ADAMTS2: variants seen among roughly 807,000 people sequenced by gnomAD.
The protein encoded by ADAMTS2 is ADAM metallopeptidase with thrombospondin type 1 motif 2, also known as A disintegrin and metalloproteinase with thrombospondin motifs 2.
Under a neutral mutation model 123.0 loss-of-function variants are expected in ADAMTS2, and 50 were observed. The observed-to-expected ratio is 0.41, with a 90% CI of 0.32 to 0.51. The LOEUF (loss-of-function observed/expected upper bound fraction) is 0.51, where lower values mean the gene tolerates loss of function less well. Among genes scored for constraint, ADAMTS2 ranks in the 20% least tolerant of loss-of-function variants. ADAMTS2 has a pLI of 0.35. For missense variants in ADAMTS2, 1,494 were observed against 1,705.2 expected (o/e 0.88, Z 2.18); for synonymous variants, 678 against 695.4 (o/e 0.98, Z 0.39).
At chr5:179,136,171 G>A in intron 12 of ADAMTS2, 129 bp from the exon 13 acceptor site, 2 of 1,340,488 alleles carry the variant, frequency 1.5e-6, no homozygotes, top group East Asian at 2.3e-5. Flanking sequence ...GGCAGACAGA[G>A]AGGGAAAGGG....
chr5:179,141,533 C>T (rs969711802), intron 10 of ADAMTS2, among the ~76,000 whole-genome samples: 1 of 152,048 alleles, frequency 6.6e-6, no homozygotes, highest in African/African-American at 2.4e-5. Flanking sequence ...TGGAAATTGT[C>T]CTAAGGTCTA....
At position 179,113,066 on chromosome 5, in the gene ADAMTS2, C is replaced by A. The variant is rs1206762086; in HGVS notation, c.*801G>T. 1 of 152,538 alleles carries A rather than the reference C, an allele frequency of 6.6e-6. No individual in the cohort carries two copies. Among genetic ancestry groups the A allele is most frequent in the Non-Finnish European group, 1.5e-5 (1 of 68,310 alleles). 9.4% of individuals were successfully genotyped at this position (152,538 alleles called of 1,614,324 possible). On this transcript the variant is annotated 3_prime_UTR_variant, in exon 22 of 22. Coordinates refer to ENST00000251582, the MANE Select transcript of ADAMTS2 (RefSeq NM_014244.5). ...TTCAGATGCCGTACAGCATGAGCAC[C>A]AAGAAGGTCAGAAGGCCTTTAGTTC...
At position 179,175,996 on chromosome 5, in the gene ADAMTS2, G is replaced by T. The variant is rs564737271; in HGVS notation, c.975+5076C>A. ...TGCACAGCTCCACAGGAAAGTCTCC[G>T]GGAAATTTCACCCCCAGGAATGCCC... On this transcript the variant is annotated intron_variant, in intron 5 of 21. Coordinates refer to ENST00000251582, the MANE Select transcript of ADAMTS2 (RefSeq NM_014244.5). The surrounding 1 kb of genome is among the most constrained non-coding windows in gnomAD (Gnocchi z 4.1). Among the ~76,000 whole-genome samples the T allele has an allele frequency of 6.6e-6, 1 of 151,968 alleles. No individual in the cohort carries two copies. Among genetic ancestry groups the T allele is most frequent in the Non-Finnish European group, 1.5e-5 (1 of 68,006 alleles).
At position 179,345,231 on chromosome 5, in the gene ADAMTS2, GGCGGCGGCGGCGGCAGGA is replaced by G; in HGVS notation, c.80_97del (p.Leu27_Pro32del). 8.8e-7 allele frequency: 1 copy of G among 1,138,648 alleles called. No individual in the cohort carries two copies. Among genetic ancestry groups the G allele is most frequent in the Non-Finnish European group, 1.1e-6 (1 of 934,566 alleles). The allele number at this position is 1,138,648 out of a possible 1,614,324, so 70.5% of individuals were successfully genotyped here. On this transcript the variant is annotated inframe_deletion, in exon 1 of 22. Transcript: ENST00000251582. The surrounding 1 kb of genome is among the most constrained non-coding windows in gnomAD (Gnocchi z 7.5). ...GGCGGCGAGCCTGGCGTTCGCGGGC[GGCGGCGGCGGCGGCAGGA>G]GCGGCGGCGGCAGCAGCAGCAGCAG... is the stretch of plus-strand genomic sequence containing the variant.
intron 5 of ADAMTS2, among the ~76,000 whole-genome samples, chr5:179,177,712 TC>T (rs1169002655): frequency 2.0e-5 from 3 of 152,112 alleles, no homozygotes; most frequent in Non-Finnish European, 4.4e-5. Context: ...CTGCAAATGT[TC>T]TGACTGTGAT....
In ADAMTS2 at chr5:179,272,749, G is replaced by A. The variant is rs1052602289; in HGVS notation, c.688+162C>T. Among the ~76,000 whole-genome samples, 22 of 152,266 alleles carry A rather than the reference G, an allele frequency of 1.4e-4. No individual in the cohort carries two copies. The South Asian group carries it at 1.9e-3, about 13-fold the overall frequency. On this transcript the variant is annotated intron_variant, in intron 3 of 21. Coordinates refer to ENST00000251582, the MANE Select transcript of ADAMTS2 (RefSeq NM_014244.5). The surrounding 1 kb of genome is among the most constrained non-coding windows in gnomAD (Gnocchi z 5.8). Reference sequence around the variant, plus strand: ...CCCAGCAGCCCTGCTACGCCCTGCCGTCAGCCAGGCAGCTGGCCCATTTCT... The same window carrying A: ...CCCAGCAGCCCTGCTACGCCCTGCCATCAGCCAGGCAGCTGGCCCATTTCT...
intron 3 of ADAMTS2, among the ~76,000 whole-genome samples, chr5:179,238,566 G>A (rs964683696): frequency 6.6e-6 from 1 of 152,150 alleles, no homozygotes; most frequent in Non-Finnish European, 1.5e-5. Flanking sequence ...TGCAAGCAAA[G>A]ACTCGAATGA....
At chr5:179,147,697 T>C (rs1763277093) in intron 10 of ADAMTS2, among the ~76,000 whole-genome samples, 1 of 152,076 alleles carries the variant, frequency 6.6e-6, no homozygotes, top group African/African-American at 2.4e-5. Context: ...TTAACTCTAC[T>C]TGTAAGAGAC....
chr5:179,345,246 A>C lies in ADAMTS2; in HGVS notation c.83T>G (p.Leu28Arg). The C allele has an allele frequency of 8.7e-7, 1 of 1,146,814 alleles. No individual in the cohort carries two copies. The highest frequency in any genetic ancestry group is 1.1e-6 in the Non-Finnish European group (1 of 939,966). 71.0% of individuals were successfully genotyped at this position (1,146,814 alleles called of 1,614,324 possible). A position where few individuals can be genotyped will look rare whatever the true frequency, so the allele number is the denominator to read the frequency against. The change falls in exon 1 of 22, where the codon CTG (leucine) becomes CGG (arginine). Residue 28 changes from leucine (L) to arginine (R), a missense_variant. By Grantham distance (102) the Leu-to-Arg change is moderately radical. This residue lies in a region of ADAMTS2 where 237 missense variants were observed against 233.7 expected (regional missense o/e 1.01). Coordinates refer to ENST00000251582, the MANE Select transcript of ADAMTS2 (RefSeq NM_014244.5). This position sits in a 1 kb window ranked among gnomAD's most constrained non-coding sequence, Gnocchi z 7.5. The stretch of plus-strand genomic sequence containing the variant: ...GTTCGCGGGCGGCGGCGGCGGCGGC[A>C]GGAGCGGCGGCGGCAGCAGCAGCAG... The part of the protein sequence containing the change: ...LLLLLLPPPL[L>R]PPPPPPANAR...
Position 179,332,742 on chromosome 5 carries a change from G to A in ADAMTS2, c.534+11025C>T, listed in dbSNP as rs536801040. ...GGATGGGAGAGGAAGGGAGGGAGGA[G>A]TGCAGAGAGGAAGGGAGGGGAAGGA... On this transcript the variant is annotated intron_variant, in intron 2 of 21. Coordinates refer to ENST00000251582, the MANE Select transcript of ADAMTS2 (RefSeq NM_014244.5). This position sits in a 1 kb window ranked among gnomAD's most constrained non-coding sequence, Gnocchi z 4.2. 3.8e-4 allele frequency among the ~76,000 whole-genome samples: 57 copies of A among 151,880 alleles called. No individual in the cohort carries two copies. Among genetic ancestry groups the A allele is most frequent in the African/African-American group, 1.3e-3 (52 of 41,412 alleles).
At chr5:179,239,422 C>T (rs563081282) in intron 3 of ADAMTS2, among the ~76,000 whole-genome samples, 3 of 152,068 alleles carry the variant, frequency 2.0e-5, no homozygotes, top group South Asian at 2.1e-4. Context: ...GGGTGGAGTG[C>T]GGAGAGGGTG....
Position 179,122,893 on chromosome 5 carries a change from A to G in ADAMTS2, c.2959-120T>C, listed in dbSNP as rs1216635322. On this transcript the variant is annotated intron_variant, in intron 19 of 21. Transcript: ENST00000251582. ...ATGCGCTCAGGAGGAGGTGTGGGAC[A>G]GTGGGGAGAGTGGGGTTTCAGGTTG... The G allele has an allele frequency of 7.6e-6, 11 of 1,448,644 alleles. No homozygotes were observed. In the South Asian group the frequency reaches 1.1e-4, roughly 15 times the overall value. The allele number at this position is 1,448,644 out of a possible 1,614,324, so 89.7% of individuals were successfully genotyped here. A position where few individuals can be genotyped will look rare whatever the true frequency, so the allele number is the denominator to read the frequency against.
chr5:179,304,562 T>C (rs1353732921), intron 2 of ADAMTS2, among the ~76,000 whole-genome samples: 2 of 152,128 alleles, frequency 1.3e-5, no homozygotes, highest in Non-Finnish European at 2.9e-5. Flanking sequence ...ACAGAAACTT[T>C]AAGAACTCAC....
At chr5:179,343,047 T>C (rs1484405800) in intron 2 of ADAMTS2, among the ~76,000 whole-genome samples, 1 of 152,086 alleles carries the variant, frequency 6.6e-6, no homozygotes, top group Admixed American at 6.5e-5. Flanking sequence ...AATGCACCCC[T>C]CAGCTCAAAA....
chr5:179,154,089 AGTGGAAGCG>A lies in ADAMTS2; in HGVS notation c.1333_1341del (p.Arg445_His447del). 6.2e-7 allele frequency: 1 copy of A among 1,604,556 alleles called. No homozygotes were observed. The highest frequency in any genetic ancestry group is 8.5e-7 in the Non-Finnish European group (1 of 1,178,414). ...AGCTCCTGCTGGCTGCAGCGGGACCAGTGGAAGCGGTGGAAGGCGGCCTGCACCAGGGGC... is the reference window on the plus strand; with the variant it reads ...AGCTCCTGCTGGCTGCAGCGGGACCAGTGGAAGGCGGCCTGCACCAGGGGC... On this transcript the variant is annotated inframe_deletion, in exon 8 of 22. Transcript: ENST00000251582.
At chr5:179,125,276 A>C in intron 18 of ADAMTS2, 96 bp from the exon 19 acceptor site, 1 of 1,145,130 alleles carries the variant, frequency 8.7e-7, no homozygotes. Flanking sequence ...CCAGGTAGAC[A>C]GCGAGCACAG....
intron 2 of ADAMTS2, among the ~76,000 whole-genome samples, chr5:179,326,303 C>T (rs1757319521): frequency 6.6e-6 from 1 of 151,676 alleles, no homozygotes; most frequent in Non-Finnish European, 1.5e-5. Flanking sequence ...TTGGCCTCAG[C>T]CATGTCCTGA....
At chr5:179,264,588 A>C (rs1008677420) in intron 3 of ADAMTS2, among the ~76,000 whole-genome samples, 1 of 152,240 alleles carries the variant, frequency 6.6e-6, no homozygotes, top group Non-Finnish European at 1.5e-5. Context: ...ACCTTGTGCA[A>C]AACCCGAAAA....
intron 4 of ADAMTS2, among the ~76,000 whole-genome samples, chr5:179,187,754 T>G (rs1438523204): frequency 2.0e-5 from 3 of 152,186 alleles, no homozygotes; most frequent in Non-Finnish European, 4.4e-5. Context: ...CCTGGAATCT[T>G]TAAACCTTGG....
Sources: allele counts gnomAD v4.1 joint callset (sites outside exome capture counted in the v4.1 genomes callset), GRCh38; gene constraint gnomAD v4.1.1; regional missense constraint gnomAD v4.1.1; non-coding constraint Gnocchi (gnomAD v3.1); transcripts MANE v1.5; gene names NCBI Gene and HGNC (gene_info 2026-07-23, HGNC 2026-07-21).